The following CCNY variants were observed in gnomAD, a reference collection of about 807,000 sequenced individuals.
The protein encoded by CCNY is cyclin-Y.
A neutral mutation model predicts 42.8 loss-of-function variants in CCNY; 19 were observed. The ratio of observed to expected loss-of-function variants is 0.44; its 90% CI spans 0.31 to 0.65. The LOEUF is 0.65. CCNY is among the 30% of genes least tolerant of loss of function. The probability of loss-of-function intolerance (pLI) is 0.07; values close to 1 mark genes in which losing one functional copy is unlikely to be tolerated. For synonymous variants in CCNY, 165 were observed against 162.7 expected (o/e 1.01, Z -0.11); for missense variants, 370 against 437.3 (o/e 0.85, Z 1.37).
chr10:35,298,068 G>A (rs904121880), intron 3 of CCNY, among the ~76,000 whole-genome samples: 4 of 151,530 alleles, frequency 2.6e-5, no homozygotes, highest in African/African-American at 7.3e-5. Flanking sequence ...AAAGCTGGAG[G>A]CATCATATTA....
intron 1 of CCNY, among the ~76,000 whole-genome samples, chr10:35,345,477 A>C (rs930995566): frequency 1.5e-4 from 23 of 152,070 alleles, no homozygotes; most frequent in African/African-American, 4.8e-4. Flanking sequence ...AAAAAAAAAA[A>C]AAAAAACTGA....
chr10:35,319,488 C>T (rs1346696778), intron 3 of CCNY, among the ~76,000 whole-genome samples: 1 of 151,770 alleles, frequency 6.6e-6, no homozygotes, highest in African/African-American at 2.4e-5. Flanking sequence ...GACATTAAAA[C>T]AAAAAAAGAT....
chr10:35,267,936 T>C (rs1009271788), intron 3 of CCNY, among the ~76,000 whole-genome samples: 4 of 150,902 alleles, frequency 2.7e-5, no homozygotes, highest in African/African-American at 9.8e-5. Flanking sequence ...TCTTTTTTCC[T>C]TTTTTTTTGA....
In CCNY at chr10:35,282,116, T is replaced by C. The variant is rs926934000; in HGVS notation, c.-9+31490T>C. ...GTTGAATCTTCCTCATCTACACCCT[T>C]TTTTTTTTTTTTTTTTTTTTGAGAC... is the stretch of plus-strand genomic sequence containing the variant. On this transcript the variant is annotated intron_variant, in intron 3 of 11. Coordinates refer to the CCNY transcript ENST00000374706. Among the ~76,000 whole-genome samples, 373 of 33,410 alleles carry C rather than the reference T, an allele frequency of 0.011. 2 individuals are homozygous for C. The African/African-American group carries it at 0.12, about 10-fold the overall frequency. The allele number at this position is 33,410 out of a possible 152,430, so 21.9% of individuals were successfully genotyped here.
rs181844605 is a variant in CCNY, at chr10:35,563,737, G to A, written c.747-2286G>A. On this transcript the variant is annotated intron_variant, in intron 8 of 9. Transcript: ENST00000374704. ...TTATTTATTTTTGGGACAGAGTTTCGCTCTCGTTGCCCAGGCTGGAGTGCA... is the reference window on the plus strand; with the variant it reads ...TTATTTATTTTTGGGACAGAGTTTCACTCTCGTTGCCCAGGCTGGAGTGCA... Among the ~76,000 whole-genome samples, 8 of 152,072 alleles carry A rather than the reference G, an allele frequency of 5.3e-5. No homozygotes were observed. The East Asian group carries it at 1.2e-3, about 22-fold the overall frequency.
chr10:35,349,038 AATGCAGTGTTCTCGGG>A, intron 1 of CCNY, among the ~76,000 whole-genome samples: 1 of 152,130 alleles, frequency 6.6e-6, no homozygotes, highest in South Asian at 2.1e-4. Context: ...CCAGGTTGAA[AATGCAGTGTTCTCGGG>A]ATGTAAAATA....
chr10:35,301,051 G>A (rs1370877114), intron 3 of CCNY, among the ~76,000 whole-genome samples: 15 of 151,992 alleles, frequency 9.9e-5, no homozygotes, highest in African/African-American at 3.1e-4. Context: ...CAAGTGATCC[G>A]CCCGCTTCGG....
intron 1 of CCNY, among the ~76,000 whole-genome samples, chr10:35,448,172 C>T (rs976251164): frequency 2.0e-5 from 3 of 152,170 alleles, no homozygotes; most frequent in Non-Finnish European, 2.9e-5. Flanking sequence ...GAACAGGTGG[C>T]TCAGTGTGAT....
At chr10:35,314,764 G>A (rs1179441059) in intron 3 of CCNY, 1 of 151,996 alleles carries the variant, frequency 6.6e-6, no homozygotes, top group Non-Finnish European at 1.5e-5. Context: ...TCTGATTCTT[G>A]CAATGAGTAT....
intron 1 of CCNY, among the ~76,000 whole-genome samples, chr10:35,464,900 C>T (rs1410053297): frequency 6.6e-6 from 1 of 152,178 alleles, no homozygotes; most frequent in African/African-American, 2.4e-5. Context: ...CAGCTGTCTG[C>T]AACAGCAGAT....
chr10:35,408,907 A>G (rs1424368112), intron 1 of CCNY, among the ~76,000 whole-genome samples: 1 of 151,670 alleles, frequency 6.6e-6, no homozygotes, highest in Non-Finnish European at 1.5e-5. Context: ...AAATGCCTCT[A>G]CTTTGTTCTT....
intron 1 of CCNY, among the ~76,000 whole-genome samples, chr10:35,341,271 G>A (rs1174093090): frequency 6.6e-6 from 1 of 152,130 alleles, no homozygotes. Context: ...TCTGCCTGAA[G>A]TGTCCTCCAT....
intron 1 of CCNY, among the ~76,000 whole-genome samples, chr10:35,461,841 T>C (rs1226061082): frequency 6.6e-6 from 1 of 152,232 alleles, no homozygotes; most frequent in East Asian, 1.9e-4. Flanking sequence ...GGTATCTCAG[T>C]GTTAGCATCT....
chr10:35,357,064 C>G (rs1181368798), intron 1 of CCNY, among the ~76,000 whole-genome samples: 2 of 151,782 alleles, frequency 1.3e-5, no homozygotes, highest in Non-Finnish European at 2.9e-5. Flanking sequence ...GCCCTGCATG[C>G]TCTTCCCAAA....
chr10:35,566,261 C>A, intron 9 of CCNY, 76 bp downstream of exon 9: 2 of 1,389,208 alleles, frequency 1.4e-6, no homozygotes, highest in South Asian at 1.4e-5. Context: ...TGCATGTGGT[C>A]ACATTGATCA....
intron 3 of CCNY, among the ~76,000 whole-genome samples, chr10:35,271,762 C>T (rs970191910): frequency 6.6e-6 from 1 of 152,178 alleles, no homozygotes; most frequent in African/African-American, 2.4e-5. Flanking sequence ...TTGCCCTCTG[C>T]CCCCCTTGGC....
chr10:35,521,859 C>T (rs993361505), intron 4 of CCNY, among the ~76,000 whole-genome samples: 6 of 151,918 alleles, frequency 3.9e-5, no homozygotes, highest in South Asian at 2.1e-4. Context: ...GATGGGGCTT[C>T]GTGGCTGAAA....
chr10:35,552,634 CA>C (rs1564456043), intron 7 of CCNY, among the ~76,000 whole-genome samples: 1 of 152,094 alleles, frequency 6.6e-6, no homozygotes, highest in Admixed American at 6.5e-5. Flanking sequence ...TATCTCAAAA[CA>C]AAAAGCTTAA....
intron 1 of CCNY, among the ~76,000 whole-genome samples, chr10:35,352,611 C>T (rs1836452371): frequency 6.6e-6 from 1 of 152,232 alleles, no homozygotes; most frequent in African/African-American, 2.4e-5. Context: ...CGTCCAGCCT[C>T]CCTGCTGGAT....
Sources: gnomAD v4.1 joint callset for allele counts (sites outside exome capture counted in the v4.1 genomes callset) on GRCh38, gnomAD v4.1.1 for gene constraint, MANE v1.5 for transcripts, NCBI Gene and HGNC (gene_info 2026-07-23, HGNC 2026-07-21) for gene names.